The following RANBP2 variants were observed in gnomAD, a reference collection of about 807,000 sequenced individuals.
The protein encoded by RANBP2 is E3 SUMO-protein ligase RanBP2.
Under a neutral mutation model 303.6 loss-of-function variants are expected in RANBP2, and 57 were observed. That is an observed-to-expected ratio of 0.19 (90% CI 0.15 to 0.23). The LOEUF (loss-of-function observed/expected upper bound fraction) is 0.23. Ranked by LOEUF, RANBP2 falls within the 10% of genes least tolerant of loss-of-function variation. The pLI is 1.00. For missense variants in RANBP2, 3,138 were observed against 3,780.8 expected (o/e 0.83, Z 4.46); for synonymous variants, 1,167 against 1,301.5 (o/e 0.90, Z 2.23).
At chr2:109,371,655 G>A in the RANBP2 span, 5 of 1,613,792 alleles carry the variant, frequency 3.1e-6, no homozygotes, top group Non-Finnish European at 2.5e-6. Context: ...AGACAAGATC[G>A]GGATCTTCCC....
the RANBP2 span, chr2:108,857,065 GCTTTT>G: frequency 1.8e-5 from 1 of 55,346 alleles, no homozygotes; most frequent in Non-Finnish European, 3.4e-5. Flanking sequence ...AGATACTATT[GCTTTT>G]TTTTTTTTTT....
chr2:109,681,878 G>A, the RANBP2 span, among the ~76,000 whole-genome samples: 1 of 152,260 alleles, frequency 6.6e-6, no homozygotes, highest in African/African-American at 2.4e-5. Context: ...CTGTGGGACT[G>A]ATCTACTGTG....
At chr2:109,704,130 C>G in the RANBP2 span, among the ~76,000 whole-genome samples, 2 of 152,206 alleles carry the variant, frequency 1.3e-5, no homozygotes, top group Non-Finnish European at 2.9e-5. Flanking sequence ...ATCCCTCCCC[C>G]ACATCTGGAA....
At chr2:108,747,811 C>G (rs1381617750) in intron 8 of RANBP2, among the ~76,000 whole-genome samples, 1 of 152,180 alleles carries the variant, frequency 6.6e-6, no homozygotes, top group Non-Finnish European at 1.5e-5. Flanking sequence ...AAATATAATT[C>G]ATATACCATA....
chr2:109,495,675 AG>A, the RANBP2 span, among the ~76,000 whole-genome samples: 363 of 151,662 alleles, frequency 2.4e-3, 3 homozygotes, highest in Non-Finnish European at 4.3e-3. Flanking sequence ...TATTTTTAGT[AG>A]AGACGGGGTT....
the RANBP2 span, among the ~76,000 whole-genome samples, chr2:109,401,730 C>G: frequency 6.6e-6 from 1 of 152,198 alleles, no homozygotes; most frequent in Admixed American, 6.5e-5. Flanking sequence ...CCGGTTTCCT[C>G]TCCTTCCTGC....
chr2:109,303,929 C>A, the RANBP2 span, among the ~76,000 whole-genome samples: 15 of 151,874 alleles, frequency 9.9e-5, no homozygotes, highest in African/African-American at 3.4e-4. Flanking sequence ...AGATATAACC[C>A]CGTCTCTACT....
the RANBP2 span, among the ~76,000 whole-genome samples, chr2:109,036,055 A>G: frequency 6.6e-6 from 1 of 152,226 alleles, no homozygotes; most frequent in East Asian, 1.9e-4. Context: ...GCCCTTCAGG[A>G]ATGAAGGAGA....
chr2:109,431,860 G>A, the RANBP2 span, among the ~76,000 whole-genome samples: 1 of 151,380 alleles, frequency 6.6e-6, no homozygotes, highest in African/African-American at 2.4e-5. Flanking sequence ...GACAGGGTGA[G>A]ATGCTGTTTC....
the RANBP2 span, among the ~76,000 whole-genome samples, chr2:109,202,048 CT>C: frequency 6.6e-6 from 1 of 151,464 alleles, no homozygotes; most frequent in Non-Finnish European, 1.5e-5. Flanking sequence ...TGGAGCCTGG[CT>C]GGGTCTCGTG....
the RANBP2 span, chr2:108,907,760 C>A: frequency 7.2e-7 from 1 of 1,398,094 alleles, no homozygotes; most frequent in Non-Finnish European, 1.0e-6. Flanking sequence ...GGAGAAACAC[C>A]CCGTCTTGCA....
the RANBP2 span, among the ~76,000 whole-genome samples, chr2:109,399,647 A>T: frequency 1.2e-4 from 19 of 152,334 alleles, no homozygotes; most frequent in South Asian, 6.2e-4. Flanking sequence ...TAAAATGATT[A>T]AAAAAATTTT....
the RANBP2 span, among the ~76,000 whole-genome samples, chr2:109,418,901 G>A: frequency 6.6e-6 from 1 of 152,156 alleles, no homozygotes; most frequent in Non-Finnish European, 1.5e-5. Context: ...AATTCCCTTG[G>A]CAAGACCATG....
chr2:109,292,663 T>C, the RANBP2 span, among the ~76,000 whole-genome samples: 1 of 152,238 alleles, frequency 6.6e-6, no homozygotes, highest in Non-Finnish European at 1.5e-5. Flanking sequence ...GAAAAGCGTC[T>C]TTTTGGGATG....
At chr2:108,779,495 C>T (rs1678095955) in intron 25 of RANBP2, among the ~76,000 whole-genome samples, 2 of 151,988 alleles carry the variant, frequency 1.3e-5, no homozygotes, top group African/African-American at 4.8e-5. Context: ...TTTTTTTTTC[C>T]CCTCCATTAA....
At chr2:108,912,685 G>A in the RANBP2 span, 1 of 1,592,868 alleles carries the variant, frequency 6.3e-7, no homozygotes, top group South Asian at 1.2e-5. Context: ...CACCTTTGTG[G>A]GCGTGCTGGA....
chr2:109,114,526 C>T, the RANBP2 span, among the ~76,000 whole-genome samples: 2 of 151,570 alleles, frequency 1.3e-5, no homozygotes, highest in East Asian at 1.9e-4. Flanking sequence ...TCTCTCTTTT[C>T]TTCTTTATTA....
the RANBP2 span, among the ~76,000 whole-genome samples, chr2:109,096,798 C>A: frequency 7.1e-6 from 1 of 141,144 alleles, no homozygotes; most frequent in Non-Finnish European, 1.5e-5. Flanking sequence ...TTTTTGGAAA[C>A]GCTTTTTTTT....
chr2:109,272,909 C>G, the RANBP2 span, among the ~76,000 whole-genome samples: 5 of 152,310 alleles, frequency 3.3e-5, no homozygotes, highest in African/African-American at 9.6e-5. Context: ...CATGCCAAGA[C>G]AGTTTCCTAG....
Sources: gnomAD v4.1 joint callset for allele counts (sites outside exome capture counted in the v4.1 genomes callset) on GRCh38, gnomAD v4.1.1 for gene constraint, MANE v1.5 for transcripts, NCBI Gene and HGNC (gene_info 2026-07-23, HGNC 2026-07-21) for gene names.